Variants in NELL1 observed in about 807,000 individuals in gnomAD.
NELL1 encodes protein kinase C-binding protein NELL1.
NELL1 carries 76 observed loss-of-function variants against 107.4 expected under a neutral mutation model. That is an observed-to-expected ratio of 0.71 (90% confidence interval 0.59 to 0.86). NELL1 has a LOEUF of 0.86. Ranked by LOEUF, NELL1 falls within the 40% of genes least tolerant of loss-of-function variation. The pLI is 0.00. For missense variants in NELL1, 1,024 were observed against 1,005.5 expected (o/e 1.02, Z -0.25); for synonymous variants, 353 against 341.2 (o/e 1.03, Z -0.38).
At chr11:20,922,704 C>T (rs918114945) in intron 7 of NELL1, among the ~76,000 whole-genome samples, 1 of 151,978 alleles carries the variant, frequency 6.6e-6, no homozygotes, top group Non-Finnish European at 1.5e-5. Context: ...TCATATAGGT[C>T]ATAGTGGAGA....
At chr11:20,975,719 A>G (rs62637251) in intron 12 of NELL1, among the ~76,000 whole-genome samples, 1,398 of 96,234 alleles carry the variant, frequency 0.015, 18 homozygotes, top group Middle Eastern at 0.029. Flanking sequence ...TACATATTAT[A>G]TATGTATTAT....
At chr11:20,990,322 C>T (rs1232422867) in intron 12 of NELL1, among the ~76,000 whole-genome samples, 1 of 152,130 alleles carries the variant, frequency 6.6e-6, no homozygotes, top group Non-Finnish European at 1.5e-5. Context: ...CCTCTGTAGC[C>T]TCTTACTGCT....
chr11:21,472,244 T>C (rs1421337030), intron 15 of NELL1, among the ~76,000 whole-genome samples: 3 of 152,174 alleles, frequency 2.0e-5, no homozygotes, highest in Non-Finnish European at 1.5e-5. Flanking sequence ...CTGGAAAAAT[T>C]AAATTCATTC....
At chr11:20,742,715 G>A (rs1850877) in intron 2 of NELL1, among the ~76,000 whole-genome samples, 122,974 of 152,020 alleles carry the variant, frequency 0.81, 49,988 homozygotes, top group Middle Eastern at 0.9. Context: ...ACCCACCCCC[G>A]TGATTCAATG....
chr11:21,485,236 G>C (rs1213955503), intron 15 of NELL1, among the ~76,000 whole-genome samples: 1 of 152,100 alleles, frequency 6.6e-6, no homozygotes, highest in Non-Finnish European at 1.5e-5. Context: ...TGAGAGCTCA[G>C]CCCTCAAAGA....
Position 21,246,841 on chromosome 11 carries a change from G to A in NELL1, c.1549+17387G>A, listed in dbSNP as rs555329427. Among the ~76,000 whole-genome samples the A allele has an allele frequency of 5.0e-4, 76 of 152,222 alleles. 1 individual carries two copies. The highest frequency in any genetic ancestry group is 1.8e-3 in the African/African-American group (74 of 41,546). ...AGGCAAAAGGCACACCTTACATGGT[G>A]GCAAGCCAGAGAGGAGAAATCTCTT... is the stretch of plus-strand genomic sequence containing the variant. On this transcript the variant is annotated intron_variant, in intron 14 of 19. Coordinates refer to ENST00000357134, the MANE Select transcript of NELL1 (RefSeq NM_006157.5).
intron 16 of NELL1, among the ~76,000 whole-genome samples, chr11:21,552,134 T>A (rs1856604631): frequency 9.9e-6 from 1 of 101,226 alleles, no homozygotes; most frequent in African/African-American, 3.9e-5. Flanking sequence ...CTGGGGACTG[T>A]TGTGGGGTGG....
intron 14 of NELL1, among the ~76,000 whole-genome samples, chr11:21,264,071 G>GATGTGTGT (rs1554989862): frequency 4.3e-5 from 6 of 139,436 alleles, no homozygotes; most frequent in Non-Finnish European, 9.3e-5. Flanking sequence ...TCTACAATGG[G>GATGTGTGT]GTGTGTGTGT....
intron 12 of NELL1, among the ~76,000 whole-genome samples, chr11:21,072,158 G>T (rs1590608863): frequency 6.6e-6 from 1 of 152,296 alleles, no homozygotes; most frequent in South Asian, 2.1e-4. Flanking sequence ...AGCCATTCAA[G>T]TTTCTAATGT....
intron 15 of NELL1, among the ~76,000 whole-genome samples, chr11:21,400,344 TTTC>T (rs1325456907): frequency 6.6e-6 from 1 of 151,886 alleles, no homozygotes; most frequent in African/African-American, 2.4e-5. Context: ...TTTATAATCA[TTTC>T]TTATTTTCTG....
chr11:21,517,405 G>A (rs1330494372), intron 15 of NELL1, among the ~76,000 whole-genome samples: 3 of 152,124 alleles, frequency 2.0e-5, no homozygotes, highest in Non-Finnish European at 4.4e-5. Flanking sequence ...TCTTTTCTGG[G>A]ATTCCAGCAA....
intron 15 of NELL1, among the ~76,000 whole-genome samples, chr11:21,401,169 A>G (rs1455636702): frequency 6.6e-6 from 1 of 151,898 alleles, no homozygotes; most frequent in Non-Finnish European, 1.5e-5. Context: ...ATCTTAATAG[A>G]ACATACAAAG....
intron 14 of NELL1, among the ~76,000 whole-genome samples, chr11:21,321,353 A>G (rs558652550): frequency 3.3e-5 from 5 of 152,076 alleles, no homozygotes; most frequent in Non-Finnish European, 5.9e-5. Flanking sequence ...AATTCTGATT[A>G]ACTCTGAGAT....
At chr11:21,337,066 C>A (rs1448260504) in intron 14 of NELL1, among the ~76,000 whole-genome samples, 1 of 151,984 alleles carries the variant, frequency 6.6e-6, no homozygotes, top group Non-Finnish European at 1.5e-5. Flanking sequence ...AAGAATTCTT[C>A]ATGCAAGTAG....
intron 12 of NELL1, among the ~76,000 whole-genome samples, chr11:21,015,381 T>C (rs1489796217): frequency 6.6e-6 from 1 of 152,108 alleles, no homozygotes; most frequent in Non-Finnish European, 1.5e-5. Context: ...TGACTTGCTC[T>C]GTAAATCAGT....
intron 12 of NELL1, among the ~76,000 whole-genome samples, chr11:21,052,276 G>A (rs1390631488): frequency 6.6e-6 from 1 of 152,062 alleles, no homozygotes; most frequent in Non-Finnish European, 1.5e-5. Context: ...AAGACCTTTT[G>A]CTTTTGCTTT....
intron 15 of NELL1, among the ~76,000 whole-genome samples, chr11:21,496,657 C>T (rs995927193): frequency 6.6e-6 from 1 of 152,168 alleles, no homozygotes; most frequent in African/African-American, 2.4e-5. Context: ...GATCCACTTG[C>T]CTCACCCTCC....
chr11:21,409,479 C>T (rs1489890109), intron 15 of NELL1, among the ~76,000 whole-genome samples: 1 of 151,414 alleles, frequency 6.6e-6, no homozygotes, highest in East Asian at 2.0e-4. Context: ...ATACCTAATG[C>T]TAAATGACGA....
chr11:21,560,135 G>T, intron 16 of NELL1, 54 bp from the exon 17 acceptor site: 1 of 1,533,104 alleles, frequency 6.5e-7, no homozygotes, highest in Admixed American at 1.7e-5. Context: ...ATGGTTGTTT[G>T]TTCTCTAAGT....
Sources: allele counts gnomAD v4.1 joint callset (sites outside exome capture counted in the v4.1 genomes callset), GRCh38; gene constraint gnomAD v4.1.1; transcripts MANE v1.5; gene names NCBI Gene and HGNC (gene_info 2026-07-23, HGNC 2026-07-21).